ITPR1: variants seen among roughly 807,000 people sequenced by gnomAD.
ITPR1 encodes inositol 1,4,5-trisphosphate receptor type 1.
ITPR1 carries 96 observed loss-of-function variants against 318.4 expected under a neutral mutation model. The ratio of observed to expected loss-of-function variants is 0.30; its 90% CI spans 0.26 to 0.36. The LOEUF (loss-of-function observed/expected upper bound fraction) is 0.36, where lower values mean the gene tolerates loss of function less well. ITPR1 is among the 10% of genes least tolerant of loss of function. The pLI is 1.00. For synonymous variants in ITPR1, 1,312 were observed against 1,289.9 expected (o/e 1.02, Z -0.37); for missense variants, 2,440 against 3,460.2 (o/e 0.71, Z 7.40).
chr3:4,707,898 G>A (rs2094793270), intron 37 of ITPR1, among the ~76,000 whole-genome samples: 1 of 152,148 alleles, frequency 6.6e-6, no homozygotes, highest in African/African-American at 2.4e-5. Context: ...AGGCTCTGGG[G>A]ATACAGTGGT....
At chr3:4,559,583 T>A (rs2086473280) in intron 4 of ITPR1, among the ~76,000 whole-genome samples, 1 of 152,210 alleles carries the variant, frequency 6.6e-6, no homozygotes. Flanking sequence ...TTCTCCAGTA[T>A]TTTTTAGTCT....
intron 24 of ITPR1, among the ~76,000 whole-genome samples, chr3:4,679,484 T>A (rs1017441205): frequency 6.6e-6 from 1 of 152,172 alleles, no homozygotes; most frequent in Admixed American, 6.5e-5. Flanking sequence ...GGAGCTCTGA[T>A]GGGCAGGAGA....
At chr3:4,674,393 A>G in intron 22 of ITPR1, 50 bp downstream of exon 22, 1 of 1,489,072 alleles carries the variant, frequency 6.7e-7, no homozygotes, top group Middle Eastern at 1.8e-4. Flanking sequence ...CTCAGTGGTC[A>G]TTTTTCTATG....
intron 4 of ITPR1, among the ~76,000 whole-genome samples, chr3:4,546,405 T>G (rs1028493538): frequency 3.3e-5 from 5 of 152,172 alleles, no homozygotes; most frequent in African/African-American, 1.2e-4. Context: ...GAGGATGACC[T>G]CTGAGGTTAT....
chr3:4,541,808 T>C (rs1037366648), intron 4 of ITPR1, among the ~76,000 whole-genome samples: 1 of 152,078 alleles, frequency 6.6e-6, no homozygotes, highest in Non-Finnish European at 1.5e-5. Context: ...GTATTTTTAG[T>C]AGAAATGGGA....
At chr3:4,574,201 CTT>C (rs765722233) in intron 4 of ITPR1, among the ~76,000 whole-genome samples, 2 of 138,416 alleles carry the variant, frequency 1.4e-5, no homozygotes. Flanking sequence ...GCCTTATCTT[CTT>C]TTTTTTTTTT....
At chr3:4,699,520 G>A (rs1283504646) in intron 34 of ITPR1, among the ~76,000 whole-genome samples, 1 of 152,178 alleles carries the variant, frequency 6.6e-6, no homozygotes, top group African/African-American at 2.4e-5. Flanking sequence ...GCTTCTTACT[G>A]CCGTTTGGGG....
At position 4,563,383 on chromosome 3, in the gene ITPR1, C is replaced by T. The variant is rs187339298; in HGVS notation, c.163+42289C>T. 5.3e-5 allele frequency among the ~76,000 whole-genome samples: 8 copies of T among 152,218 alleles called. No homozygotes were observed. In the East Asian group the frequency reaches 1.5e-3, roughly 29 times the overall value. On this transcript the variant is annotated intron_variant, in intron 4 of 61. Coordinates refer to ENST00000649015, the MANE Select transcript of ITPR1 (RefSeq NM_001378452.1). Reference sequence around the variant, plus strand: ...AATTAGCTGGGCATGGTGATGCACACCTGTGGTCCCAGCTACTCAGGAGGC... The same window carrying T: ...AATTAGCTGGGCATGGTGATGCACATCTGTGGTCCCAGCTACTCAGGAGGC...
intron 55 of ITPR1, among the ~76,000 whole-genome samples, chr3:4,806,925 TAAG>T (rs2048590246): frequency 6.6e-6 from 1 of 152,134 alleles, no homozygotes; most frequent in Non-Finnish European, 1.5e-5. Flanking sequence ...GCGTTGTAGA[TAAG>T]AAACCATTTT....
At chr3:4,611,543 G>A (rs990078767) in intron 4 of ITPR1, among the ~76,000 whole-genome samples, 5 of 137,358 alleles carry the variant, frequency 3.6e-5, no homozygotes, top group Admixed American at 2.2e-4. Flanking sequence ...CTGGGTGACA[G>A]AGCGAGACTC....
chr3:4,755,906 C>T (rs546101232), intron 44 of ITPR1, among the ~76,000 whole-genome samples: 5 of 152,308 alleles, frequency 3.3e-5, no homozygotes, highest in Non-Finnish European at 4.4e-5. Context: ...TTCATCGCTT[C>T]CTTTCTACTT....
chr3:4,617,658 A>G (rs1325785928), intron 4 of ITPR1, among the ~76,000 whole-genome samples: 1 of 152,160 alleles, frequency 6.6e-6, no homozygotes, highest in East Asian at 1.9e-4. Context: ...GAAAAACTGA[A>G]CACCAATTGA....
chr3:4,610,683 C>A (rs1478100349), intron 4 of ITPR1, among the ~76,000 whole-genome samples: 1 of 152,082 alleles, frequency 6.6e-6, no homozygotes, highest in African/African-American at 2.4e-5. Context: ...AACCCGAAGT[C>A]CATGGTTACT....
intron 47 of ITPR1, among the ~76,000 whole-genome samples, chr3:4,776,779 T>C (rs2046513257): frequency 6.6e-6 from 1 of 152,174 alleles, no homozygotes; most frequent in African/African-American, 2.4e-5. Flanking sequence ...TCAGAGTGGA[T>C]TGTGCTGCAA....
intron 4 of ITPR1, among the ~76,000 whole-genome samples, chr3:4,527,250 C>T (rs1218077222): frequency 6.6e-6 from 1 of 152,224 alleles, no homozygotes; most frequent in Admixed American, 6.5e-5. Flanking sequence ...GGTCATGGCT[C>T]ACTGCAGCCT....
rs148495222 is a variant in ITPR1 at position 4,588,954 on chromosome 3, C to G, written c.164-38809C>G. Among the ~76,000 whole-genome samples, 151 of 152,284 alleles carry G rather than the reference C, an allele frequency of 9.9e-4. 1 individual carries two copies. The highest frequency in any genetic ancestry group is 3.5e-3 in the African/African-American group (144 of 41,540). On this transcript the variant is annotated intron_variant, in intron 4 of 61. Transcript: ENST00000649015. ...ACTTCTCACCACCTAGTCTACAGCC[C>G]TCATTCTGCTCTAAACCGTCATTGT...
At chr3:4,690,409 G>C (rs1033228496) in intron 31 of ITPR1, among the ~76,000 whole-genome samples, 2 of 152,164 alleles carry the variant, frequency 1.3e-5, no homozygotes, top group East Asian at 1.9e-4. Flanking sequence ...TGCAAATTAA[G>C]TTATGTTTAG....
intron 2 of ITPR1, among the ~76,000 whole-genome samples, chr3:4,515,786 C>T (rs1054806436): frequency 2.0e-5 from 3 of 152,128 alleles, no homozygotes; most frequent in African/African-American, 7.2e-5. Context: ...ATTATTCTTA[C>T]CCAAATACTG....
chr3:4,653,926 G>T (rs2093650116), intron 12 of ITPR1, 40 bp downstream of exon 12: 7 of 1,451,120 alleles, frequency 4.8e-6, no homozygotes, highest in Non-Finnish European at 6.7e-6. Context: ...CATCTGGTAG[G>T]GTGCGGCCAA....
Sources: allele counts gnomAD v4.1 joint callset (sites outside exome capture counted in the v4.1 genomes callset), GRCh38; gene constraint gnomAD v4.1.1; transcripts MANE v1.5; gene names NCBI Gene and HGNC (gene_info 2026-07-23, HGNC 2026-07-21).